The following PDE11A variants were observed in gnomAD, a reference collection of about 807,000 sequenced individuals.
PDE11A encodes the protein phosphodiesterase 11A, also known as dual 3',5'-cyclic-AMP and -GMP phosphodiesterase 11A.
In PDE11A, 100 loss-of-function variants were observed where a neutral mutation model predicts 100.5. The observed-to-expected ratio is 1.00, with a 90% CI of 0.85 to 1.18. The LOEUF (loss-of-function observed/expected upper bound fraction) is 1.18. Ranked by LOEUF, PDE11A falls within the 50% of genes most tolerant of loss-of-function variation. The probability of loss-of-function intolerance (pLI) is 0.00; values close to 1 mark genes in which losing one functional copy is unlikely to be tolerated. For missense variants in PDE11A, 1,141 were observed against 1,152.6 expected, an observed-to-expected ratio of 0.99 and a Z score of 0.15; for synonymous variants, 381 against 420.8, an observed-to-expected ratio of 0.91 and a Z score of 1.16.
At chr2:178,095,894 G>T (rs2087482431) in intron 2 of PDE11A, among the ~76,000 whole-genome samples, 1 of 152,174 alleles carries the variant, frequency 6.6e-6, no homozygotes, top group Non-Finnish European at 1.5e-5. Flanking sequence ...AGTTGGAACT[G>T]GAGTGGCTGG....
chr2:177,735,338 G>A (rs572012770), intron 10 of PDE11A, among the ~76,000 whole-genome samples: 4 of 152,086 alleles, frequency 2.6e-5, no homozygotes, highest in South Asian at 2.1e-4. Context: ...AAGAAAAGCC[G>A]TGGACTCCAT....
chr2:177,820,301 A>T lies in PDE11A; in HGVS notation c.1501-6T>A. On this transcript the variant is annotated splice_region_variant and splice_polypyrimidine_tract_variant and intron_variant, in intron 6 of 19. Transcript: ENST00000286063. ...AAACCAGATATCTGGTCTGCCTAGGAAACAAGAAAGAAGTTAATTAAAATT... is the reference window on the plus strand; with the variant it reads ...AAACCAGATATCTGGTCTGCCTAGGTAACAAGAAAGAAGTTAATTAAAATT... 1 of 1,534,162 alleles carries T rather than the reference A, an allele frequency of 6.5e-7. No individual in the cohort carries two copies. The highest frequency in any genetic ancestry group is 9.0e-7 in the Non-Finnish European group (1 of 1,108,200).
At chr2:177,887,624 T>C (rs2084459407) in intron 4 of PDE11A, among the ~76,000 whole-genome samples, 1 of 152,032 alleles carries the variant, frequency 6.6e-6, no homozygotes, top group South Asian at 2.1e-4. Flanking sequence ...TGTGGTGGTG[T>C]GCACCTGAAG....
chr2:178,088,271 A>C (rs1016862120), intron 2 of PDE11A, among the ~76,000 whole-genome samples: 5 of 152,258 alleles, frequency 3.3e-5, no homozygotes, highest in Admixed American at 6.5e-5. Flanking sequence ...ATCTATGTTA[A>C]TATTTCAGAA....
At chr2:178,002,692 A>T (rs2086160022) in intron 2 of PDE11A, among the ~76,000 whole-genome samples, 1 of 152,174 alleles carries the variant, frequency 6.6e-6, no homozygotes, top group South Asian at 2.1e-4. Context: ...ACAAAAAATT[A>T]TATCAAAAAT....
chr2:177,705,153 T>G (rs927448078), intron 13 of PDE11A, among the ~76,000 whole-genome samples: 1 of 152,154 alleles, frequency 6.6e-6, no homozygotes. Flanking sequence ...TGTAAAACCA[T>G]TTTTAAAGAG....
At chr2:177,942,360 C>A (rs35836349) in intron 2 of PDE11A, among the ~76,000 whole-genome samples, 16,160 of 152,050 alleles carry the variant, frequency 0.11, 1,152 homozygotes, top group Non-Finnish European at 0.15. Flanking sequence ...CAAATGTTAG[C>A]TATTATTCCT....
upstream of PDE11A, chr2:178,073,020 T>G: frequency 1.0e-6 from 1 of 985,382 alleles, no homozygotes; most frequent in Non-Finnish European, 1.2e-6. Flanking sequence ...TCCCCGCTTC[T>G]TGCTCCCTTA....
rs1336262838 is a variant in PDE11A at position 178,026,460 on chromosome 2, A to G, written c.913-12000T>C. On this transcript the variant is annotated intron_variant, in intron 1 of 19. Transcript: ENST00000286063. The stretch of plus-strand genomic sequence containing the variant: ...GCGGATCACTTGAGGTCAGGAGTCA[A>G]GACCAGCCTGGCCAACATGGTGAAA... Among the ~76,000 whole-genome samples the G allele has an allele frequency of 2.6e-5, 4 of 152,082 alleles. No homozygotes were observed. The South Asian group carries it at 6.2e-4, about 24-fold the overall frequency.
chr2:177,886,438 G>C (rs1296602866), intron 4 of PDE11A, among the ~76,000 whole-genome samples: 1 of 152,188 alleles, frequency 6.6e-6, no homozygotes, highest in Non-Finnish European at 1.5e-5. Flanking sequence ...TGAGTGCCTA[G>C]CTTAAAGACC....
intron 9 of PDE11A, among the ~76,000 whole-genome samples, chr2:177,798,448 T>C (rs1158224970): frequency 6.6e-6 from 1 of 152,206 alleles, no homozygotes; most frequent in African/African-American, 2.4e-5. Context: ...AGGTGATCCA[T>C]TCGTAACATT....
chr2:177,831,491 A>G (rs2083307841), intron 6 of PDE11A, among the ~76,000 whole-genome samples: 1 of 152,214 alleles, frequency 6.6e-6, no homozygotes, highest in Admixed American at 6.5e-5. Flanking sequence ...AGAGTAAATT[A>G]TCTCTTACTA....
intron 2 of PDE11A, among the ~76,000 whole-genome samples, chr2:177,947,749 C>T (rs1321476024): frequency 7.0e-6 from 1 of 142,782 alleles, no homozygotes; most frequent in Admixed American, 7.0e-5. Flanking sequence ...TGAGAAACAC[C>T]CAAGAATTAT....
Position 178,071,974 on chromosome 2 carries a change from C to T in PDE11A, c.464G>A (p.Arg155Lys), listed in dbSNP as rs1559062616. The stretch of plus-strand genomic sequence containing the variant: ...GGAGCTTGCCTTCCGGAGAAGTGCC[C>T]TCCGTCGTACACTACTCAGGGGTTC... ...AQEPLSSVRR[R>K]ALLRKASSLP... Residue 155 changes from arginine (R) to lysine (K), a missense_variant, in exon 1 of 20, where the codon AGG (arginine) becomes AAG (lysine). Coordinates refer to ENST00000286063, the MANE Select transcript of PDE11A (RefSeq NM_016953.4). 1 of 1,614,068 alleles carries T rather than the reference C, an allele frequency of 6.2e-7. No individual in the cohort carries two copies. The highest frequency in any genetic ancestry group is 8.5e-7 in the Non-Finnish European group (1 of 1,179,952).
chr2:177,881,169 A>T (rs2084328357), intron 4 of PDE11A, among the ~76,000 whole-genome samples: 1 of 151,488 alleles, frequency 6.6e-6, no homozygotes, highest in South Asian at 2.1e-4. Context: ...CCCTGTCCTC[A>T]GACACTGGGA....
At chr2:177,690,169 T>C (rs2081021996) in intron 15 of PDE11A, among the ~76,000 whole-genome samples, 1 of 150,246 alleles carries the variant, frequency 6.7e-6, no homozygotes. Flanking sequence ...CTTTGAAATA[T>C]GTCAAGAATT....
At chr2:177,816,216 A>G (rs949881326) in intron 9 of PDE11A, among the ~76,000 whole-genome samples, 34 of 151,832 alleles carry the variant, frequency 2.2e-4, no homozygotes, top group African/African-American at 8.0e-4. Flanking sequence ...AAAACAAAAC[A>G]AAAAAAACAA....
intron 2 of PDE11A, among the ~76,000 whole-genome samples, chr2:177,956,325 G>A (rs1385630256): frequency 6.6e-6 from 1 of 152,046 alleles, no homozygotes; most frequent in African/African-American, 2.4e-5. Flanking sequence ...ATCATCACTG[G>A]CCATCAGAGA....
intron 2 of PDE11A, among the ~76,000 whole-genome samples, chr2:177,954,589 A>G (rs913187357): frequency 6.6e-6 from 1 of 152,230 alleles, no homozygotes; most frequent in Non-Finnish European, 1.5e-5. Flanking sequence ...TGATATTTCA[A>G]TAGAAAAAGG....
Sources: gnomAD v4.1 joint callset for allele counts (sites outside exome capture counted in the v4.1 genomes callset) on GRCh38, gnomAD v4.1.1 for gene constraint, MANE v1.5 for transcripts, NCBI Gene and HGNC (gene_info 2026-07-23, HGNC 2026-07-21) for gene names.